MYH3: variants seen among roughly 807,000 people sequenced by gnomAD.
MYH3 encodes myosin-3.
Under a neutral mutation model 238.0 loss-of-function variants are expected in MYH3, and 130 were observed. The observed-to-expected ratio is 0.55, with a 90% CI of 0.47 to 0.63. The LOEUF (loss-of-function observed/expected upper bound fraction) is 0.63, where lower values mean the gene tolerates loss of function less well. Ranked by LOEUF, MYH3 falls within the 30% of genes least tolerant of loss-of-function variation. The pLI, the probability that MYH3 is intolerant of heterozygous loss-of-function variation, is 0.00. For missense variants in MYH3, 1,853 were observed against 2,374.9 expected (o/e 0.78, Z 4.57); for synonymous variants, 880 against 924.1 (o/e 0.95, Z 0.86).
Position 10,640,017 on chromosome 17 carries a change from G to A in MYH3, c.2661C>T (p.Asp887=), listed in dbSNP as rs750841622. The change falls in exon 22 of 41, where the codon GAC becomes GAT. Residue 887 remains aspartate, a synonymous_variant. Coordinates refer to ENST00000583535, the MANE Select transcript of MYH3 (RefSeq NM_002470.4). ...KLVTLVQEKN[D]LQLQVQAESE... ...GTACAGCTTGTACTTGGAGCTGCAG[G>A]TCATTCTTCTCTTGGACCAGAGTCA... 8 of 1,613,598 alleles carry A rather than the reference G, an allele frequency of 5.0e-6. No homozygotes were observed. The highest frequency in any genetic ancestry group is 8.5e-7 in the Non-Finnish European group (1 of 1,180,000).
At chr17:10,652,812 G>A (rs933891382) in intron 3 of MYH3, among the ~76,000 whole-genome samples, 4 of 151,536 alleles carry the variant, frequency 2.6e-5, no homozygotes, top group Non-Finnish European at 5.9e-5. Context: ...TAGTAGAGAC[G>A]GGGTTTCACC....
At chr17:10,656,737 G>A (rs377692962) in intron 1 of MYH3, among the ~76,000 whole-genome samples, 6 of 152,120 alleles carry the variant, frequency 3.9e-5, no homozygotes, top group African/African-American at 1.2e-4. Context: ...AGCAGGGACC[G>A]CATCCCTGCT....
the MYH3 span, chr17:10,674,163 CCAGTA>C: frequency 6.4e-6 from 1 of 156,674 alleles, no homozygotes; most frequent in Non-Finnish European, 1.4e-5. Context: ...TCTGTAATCC[CCAGTA>C]CTTTGGGAGG....
chr17:10,642,318 C>T lies in MYH3; in HGVS notation c.1889-8G>A, dbSNP rs1476224205. 1.2e-6 allele frequency: 2 copies of T among 1,614,022 alleles called. No homozygotes were observed. Among genetic ancestry groups the T allele is most frequent in the Non-Finnish European group, 1.7e-6 (2 of 1,179,972 alleles). ...TCTTCTTTCCACTGTCAGCTGAAAG[C>T]AATAAGGGAGGGCACGTGCTGTAGG... is the stretch of plus-strand genomic sequence containing the variant. On this transcript the variant is annotated splice_region_variant and splice_polypyrimidine_tract_variant and intron_variant, in intron 16 of 40. Transcript: ENST00000583535. This position sits in a 1 kb window ranked among gnomAD's most constrained non-coding sequence, Gnocchi z 5.4.
rs1567557925 is a variant in MYH3 at position 10,642,605 on chromosome 17, G to A, written c.1700C>T (p.Pro567Leu). ...CTCGGCCCTGCCTTTGACCACCTTG[G>A]GCTTCTGGAAGTTGTTGGACTTTCC... Reference protein sequence around the residue: ...HLGKSNNFQKPKVVKGRAEAH... With the variant: ...HLGKSNNFQKLKVVKGRAEAH... Residue 567 changes from proline to leucine, a missense_variant, in exon 16 of 41, where the codon CCC becomes CTC. Around this residue, in one of 3 missense-constraint regions of MYH3, gnomAD observed 678 missense variants for 1,058.9 expected, o/e 0.64. Coordinates refer to ENST00000583535, the MANE Select transcript of MYH3 (RefSeq NM_002470.4). This position sits in a 1 kb window ranked among gnomAD's most constrained non-coding sequence, Gnocchi z 5.4. 2 of 1,614,040 alleles carry A rather than the reference G, an allele frequency of 1.2e-6. No individual in the cohort carries two copies. The highest frequency in any genetic ancestry group is 1.7e-5 in the Admixed American group (1 of 59,994).
the MYH3 span, chr17:10,672,627 C>T: frequency 1.8e-4 from 27 of 152,326 alleles, no homozygotes; most frequent in African/African-American, 6.5e-4. Flanking sequence ...CCCTCCTGCC[C>T]CTGGCAATCA....
rs761937084 is a variant in MYH3, at chr17:10,635,526, C to T, written c.4013G>A (p.Arg1338His). 80 of 1,614,034 alleles carry T rather than the reference C, an allele frequency of 5.0e-5. No homozygotes were observed. The highest frequency in any genetic ancestry group is 1.6e-4 in the Middle Eastern group (1 of 6,084). ...TTCCCGCAGCAGGTCACAGTCGTGGCGGGAGGACTGCAGGGCGTGCGCCAG... is the reference window on the plus strand; with the variant it reads ...TTCCCGCAGCAGGTCACAGTCGTGGTGGGAGGACTGCAGGGCGTGCGCCAG... ...NALAHALQSS[R>H]HDCDLLREQY... Residue 1338 changes from arginine (R) to histidine (H), a missense_variant, in exon 30 of 41, where the codon CGC becomes CAC. Coordinates refer to ENST00000583535, the MANE Select transcript of MYH3 (RefSeq NM_002470.4).
Position 10,629,734 on chromosome 17 carries a change from C to T in MYH3, c.5659G>A (p.Asp1887Asn). 6.2e-7 allele frequency: 1 copy of T among 1,614,228 alleles called. No homozygotes were observed. The highest frequency in any genetic ancestry group is 8.5e-7 in the Non-Finnish European group (1 of 1,180,052). The change falls in exon 40 of 41, where the codon GAT (aspartate) becomes AAT (asparagine). Residue 1887 changes from aspartate to asparagine, a missense_variant and splice_region_variant. Physicochemically the swap from Asp to Asn is conservative, Grantham distance 23 (BLOSUM62 1). Coordinates refer to ENST00000583535, the MANE Select transcript of MYH3 (RefSeq NM_002470.4). Reference sequence around the variant, plus strand: ...GTGAGATGAGCATTGGCTTGTTCATCCTAAAACCAAAGAGCCCAGGCAGGT... The same window carrying T: ...GTGAGATGAGCATTGGCTTGTTCATTCTAAAACCAAAGAGCCCAGGCAGGT... ...KSYKRQAEEA[D>N]EQANAHLTKF...
chr17:10,677,579 A>T, the MYH3 span: 1 of 152,222 alleles, frequency 6.6e-6, no homozygotes, highest in African/African-American at 2.4e-5. Flanking sequence ...ACAATTTAAA[A>T]TCATTAGCCT....
intron 28 of MYH3, among the ~76,000 whole-genome samples, chr17:10,637,497 T>G (rs1352087741): frequency 6.6e-6 from 1 of 152,208 alleles, no homozygotes; most frequent in Admixed American, 6.5e-5. Context: ...TCTAGTCTCA[T>G]TTCTGCCCAT....
chr17:10,650,647 C>T (rs1233351591), intron 5 of MYH3, among the ~76,000 whole-genome samples: 1 of 152,108 alleles, frequency 6.6e-6, no homozygotes, highest in Non-Finnish European at 1.5e-5. Context: ...GTTTATATGG[C>T]AGAATGATTA....
chr17:10,660,392 C>T (rs548247383), upstream of MYH3, among the ~76,000 whole-genome samples: 4 of 152,306 alleles, frequency 2.6e-5, no homozygotes, highest in African/African-American at 9.6e-5. Flanking sequence ...AAAATAGTTT[C>T]TGGCCGGGCG....
At position 10,628,815 on chromosome 17, in the gene MYH3, G is replaced by A. The variant is rs577693141; in HGVS notation, c.5797-136C>T. Reference sequence around the variant, plus strand: ...GATATTTTTTGGACCTTGGGAAAACGCACGATTGCACACATGAAGTCACCC... The same window carrying A: ...GATATTTTTTGGACCTTGGGAAAACACACGATTGCACACATGAAGTCACCC... On this transcript the variant is annotated intron_variant, in intron 40 of 40. Coordinates refer to ENST00000583535, the MANE Select transcript of MYH3 (RefSeq NM_002470.4). 23 of 895,444 alleles carry A rather than the reference G, an allele frequency of 2.6e-5. No individual in the cohort carries two copies. The African/African-American group carries it at 2.8e-4, about 11-fold the overall frequency. The allele number at this position is 895,444 out of a possible 1,614,324, so 55.5% of individuals were successfully genotyped here. A position where few individuals can be genotyped will look rare whatever the true frequency, so the allele number is the denominator to read the frequency against.
intron 28 of MYH3, 44 bp from the exon 29 acceptor site, chr17:10,635,897 TC>T (rs748307712): frequency 6.6e-7 from 1 of 1,510,740 alleles, no homozygotes; most frequent in African/African-American, 1.4e-5. Flanking sequence ...ATTCACTCAT[TC>T]ACTCACCAAC....
In MYH3 at chr17:10,631,598, G is replaced by A. The variant is rs1192852583; in HGVS notation, c.5286+13C>T. ...CCCGGCAGCCCGAGGGCAGCAGGAAGGAGACGCCTTACGTCCGTGATGGCC... is the reference window on the plus strand; with the variant it reads ...CCCGGCAGCCCGAGGGCAGCAGGAAAGAGACGCCTTACGTCCGTGATGGCC... On this transcript the variant is annotated intron_variant, in intron 36 of 40. Transcript: ENST00000583535. The A allele has an allele frequency of 1.2e-6, 2 of 1,614,028 alleles. No homozygotes were observed. The highest frequency in any genetic ancestry group is 2.7e-5 in the African/African-American group (2 of 74,912).
Position 10,638,335 on chromosome 17 carries a change from T to C in MYH3, c.3437A>G (p.Glu1146Gly). Reference protein sequence around the residue: ...QRSDYARELEELSERLEEAGG... With the variant: ...QRSDYARELEGLSERLEEAGG... ...CGCCTCCTCCAGCCGCTCGCTCAGCTCCTCCAGCTCCCGGGCATAGTCGCT... is the reference window on the plus strand; with the variant it reads ...CGCCTCCTCCAGCCGCTCGCTCAGCCCCTCCAGCTCCCGGGCATAGTCGCT... The change falls in exon 27 of 41, where the codon GAG becomes GGG. Residue 1146 changes from glutamate to glycine, a missense_variant. Around this residue, in one of 3 missense-constraint regions of MYH3, gnomAD observed 1,044 missense variants for 1,192.6 expected, o/e 0.88. Coordinates refer to ENST00000583535, the MANE Select transcript of MYH3 (RefSeq NM_002470.4). The C allele has an allele frequency of 6.2e-7, 1 of 1,611,358 alleles. No homozygotes were observed. The highest frequency in any genetic ancestry group is 8.5e-7 in the Non-Finnish European group (1 of 1,179,966).
the MYH3 span, among the ~76,000 whole-genome samples, chr17:10,663,588 T>C: frequency 2.0e-5 from 3 of 151,982 alleles, no homozygotes; most frequent in Non-Finnish European, 4.4e-5. Flanking sequence ...TCGACAGACA[T>C]CAGACATTGA....
chr17:10,630,187 G>C lies in MYH3; in HGVS notation c.5467C>G (p.Leu1823Val). The change falls in exon 38 of 41, where the codon CTG becomes GTG. Residue 1823 changes from leucine to valine, a missense_variant. This residue lies in a region of MYH3 where 1,044 missense variants were observed against 1,192.6 expected (regional missense o/e 0.88). Coordinates refer to ENST00000583535, the MANE Select transcript of MYH3 (RefSeq NM_002470.4). ...IQKLETRIRELEFELEGEQKK... is the reference protein window; with the variant it reads ...IQKLETRIREVEFELEGEQKK... ...TGCTCTCCCTCAAGTTCAAACTCCA[G>C]CTCTCGGATCTGGGGGAGAGGGTGG... is the stretch of plus-strand genomic sequence containing the variant. 1 of 1,614,178 alleles carries C rather than the reference G, an allele frequency of 6.2e-7. No individual in the cohort carries two copies. The highest frequency in any genetic ancestry group is 8.5e-7 in the Non-Finnish European group (1 of 1,180,032).
chr17:10,660,108 C>T (rs193044958), upstream of MYH3, among the ~76,000 whole-genome samples: 1 of 152,368 alleles, frequency 6.6e-6, no homozygotes, highest in Admixed American at 6.5e-5. Flanking sequence ...CAGTGTGCTT[C>T]TTTGAGCCTT....
Sources: allele counts gnomAD v4.1 joint callset (sites outside exome capture counted in the v4.1 genomes callset), GRCh38; gene constraint gnomAD v4.1.1; regional missense constraint gnomAD v4.1.1; non-coding constraint Gnocchi (gnomAD v3.1); transcripts MANE v1.5; gene names NCBI Gene and HGNC (gene_info 2026-07-23, HGNC 2026-07-21).